ANO6: variants seen among roughly 807,000 people sequenced by gnomAD.
The protein encoded by ANO6 is anoctamin-6.
ANO6 carries 106 observed loss-of-function variants against 117.5 expected under a neutral mutation model. The ratio of observed to expected loss-of-function variants is 0.90; its 90% CI spans 0.77 to 1.06. The LOEUF is 1.06. Ranked by LOEUF, ANO6 falls within the 50% of genes least tolerant of loss-of-function variation. The probability of loss-of-function intolerance (pLI) is 0.00; values close to 1 mark genes in which losing one functional copy is unlikely to be tolerated. For missense variants in ANO6, 955 were observed against 1,121.1 expected (o/e 0.85, Z 2.12); for synonymous variants, 367 against 385.1 (o/e 0.95, Z 0.55).
At position 45,296,488 on chromosome 12, in the gene ANO6, G is replaced by A. The variant is rs551042730; in HGVS notation, c.71-5526G>A. ...GAGCTTTCCCATTAGTTCTAATTGC[G>A]AATGCTATATAAATTTCACTACATT... is the stretch of plus-strand genomic sequence containing the variant. On this transcript the variant is annotated intron_variant, in intron 1 of 19. Transcript: ENST00000320560. 3.9e-5 allele frequency among the ~76,000 whole-genome samples: 6 copies of A among 152,124 alleles called. No homozygotes were observed. The South Asian group carries it at 6.2e-4, about 16-fold the overall frequency.
intron 1 of ANO6, among the ~76,000 whole-genome samples, chr12:45,226,414 A>G (rs116503222): frequency 1.3e-3 from 112 of 86,310 alleles, no homozygotes; most frequent in Non-Finnish European, 2.3e-3. Context: ...TAAAGTACAA[A>G]TACTTGAAAT....
intron 19 of ANO6, among the ~76,000 whole-genome samples, chr12:45,423,653 A>C (rs1943422030): frequency 6.6e-6 from 1 of 152,218 alleles, no homozygotes; most frequent in South Asian, 2.1e-4. Flanking sequence ...GATAGAGTTC[A>C]TGAAAGTCTG....
intron 3 of ANO6, among the ~76,000 whole-genome samples, chr12:45,337,786 G>GT (rs1274200387): frequency 1.3e-5 from 2 of 151,114 alleles, no homozygotes; most frequent in Admixed American, 6.6e-5. Flanking sequence ...GATTTTAAGT[G>GT]TTTTTACCAC....
chr12:45,230,969 T>A (rs1372302057), intron 1 of ANO6, among the ~76,000 whole-genome samples: 1 of 151,636 alleles, frequency 6.6e-6, no homozygotes, highest in Non-Finnish European at 1.5e-5. Flanking sequence ...TAGCCAAGAG[T>A]GGTGGTGCAT....
In ANO6 at chr12:45,346,408, A is replaced by G. The variant is rs190495256; in HGVS notation, c.280-614A>G. Among the ~76,000 whole-genome samples the G allele has an allele frequency of 7.2e-5, 11 of 152,320 alleles. 1 individual carries two copies. The East Asian group carries it at 2.1e-3, about 29-fold the overall frequency. On this transcript the variant is annotated intron_variant, in intron 3 of 19. Transcript: ENST00000320560. Reference sequence around the variant, plus strand: ...ATATTCTGTATCTTTTGAAATGGCCATGTAATATAGATATCAATTTAGTTC... The same window carrying G: ...ATATTCTGTATCTTTTGAAATGGCCGTGTAATATAGATATCAATTTAGTTC...
chr12:45,228,365 T>C (rs1172162087), intron 1 of ANO6: 2 of 249,286 alleles, frequency 8.0e-6, no homozygotes, highest in Non-Finnish European at 1.6e-5. Context: ...TCCCAAACTC[T>C]TGGGCTCAAG....
chr12:45,386,990 C>T (rs1367771956), intron 10 of ANO6, among the ~76,000 whole-genome samples: 1 of 152,214 alleles, frequency 6.6e-6, no homozygotes, highest in African/African-American at 2.4e-5. Flanking sequence ...TCATAGCCCT[C>T]TTAATAATCA....
At chr12:45,292,080 A>G (rs1939119897) in intron 1 of ANO6, among the ~76,000 whole-genome samples, 1 of 152,210 alleles carries the variant, frequency 6.6e-6, no homozygotes, top group South Asian at 2.1e-4. Context: ...CCACAGATGA[A>G]TGGGGTAAAT....
intron 12 of ANO6, among the ~76,000 whole-genome samples, chr12:45,395,757 T>C (rs908755182): frequency 2.0e-5 from 3 of 152,200 alleles, no homozygotes; most frequent in East Asian, 1.9e-4. Flanking sequence ...ATTATATCAA[T>C]AGATGCAGAA....
At chr12:45,333,877 A>G (rs951611832) in intron 3 of ANO6, among the ~76,000 whole-genome samples, 3 of 152,048 alleles carry the variant, frequency 2.0e-5, no homozygotes, top group Admixed American at 6.6e-5. Context: ...GAAAGAAAAA[A>G]AACTTATGTG....
chr12:45,402,104 C>A (rs905765905), intron 13 of ANO6, 84 bp downstream of exon 13: 8 of 1,185,376 alleles, frequency 6.7e-6, no homozygotes, highest in Non-Finnish European at 9.8e-6. Flanking sequence ...TTAGGCGTTT[C>A]AATTCCAGTA....
At chr12:45,331,217 A>G (rs1237516394) in intron 2 of ANO6, 78 bp from the exon 3 acceptor site, 2 of 1,315,194 alleles carry the variant, frequency 1.5e-6, no homozygotes, top group African/African-American at 3.0e-5. Context: ...AACCTATTAA[A>G]GCTTGAAAAT....
intron 2 of ANO6, among the ~76,000 whole-genome samples, chr12:45,304,256 T>C: frequency 6.6e-6 from 1 of 152,156 alleles, no homozygotes; most frequent in East Asian, 1.9e-4. Context: ...GAATCAAGCA[T>C]TATATTTAAG....
intron 15 of ANO6, among the ~76,000 whole-genome samples, chr12:45,404,654 C>T (rs1269467770): frequency 6.6e-6 from 1 of 151,516 alleles, no homozygotes; most frequent in Non-Finnish European, 1.5e-5. Context: ...CTGTAGTCAC[C>T]TCTCCCGCCT....
At position 45,378,068 on chromosome 12, in the gene ANO6, G is replaced by C. The variant is rs867337896; in HGVS notation, c.1120G>C (p.Asp374His). ...CESSKKLCIF[D>H]SFGTLVFAVF... ...TATTTTCCAGAAATTGTGCATCTTCGACAGTTTTGGAACCCTGGTCTTTGC... is the reference window on the plus strand; with the variant it reads ...TATTTTCCAGAAATTGTGCATCTTCCACAGTTTTGGAACCCTGGTCTTTGC... Residue 374 changes from aspartate (D) to histidine (H), a missense_variant, in exon 10 of 20, where the codon GAC becomes CAC. By Grantham distance (81) the Asp-to-His change is moderately conservative. Transcript: ENST00000320560. The C allele has an allele frequency of 2.4e-5, 38 of 1,612,156 alleles. No individual in the cohort carries two copies. The Middle Eastern group carries it at 3.8e-3, about 161-fold the overall frequency.
chr12:45,362,383 T>C (rs1941578433), intron 8 of ANO6, among the ~76,000 whole-genome samples: 1 of 152,134 alleles, frequency 6.6e-6, no homozygotes, highest in Admixed American at 6.5e-5. Context: ...CTTCTTTTTT[T>C]CTTGATCAGC....
At chr12:45,305,111 G>A (rs1283896248) in intron 2 of ANO6, among the ~76,000 whole-genome samples, 1 of 152,186 alleles carries the variant, frequency 6.6e-6, no homozygotes, top group African/African-American at 2.4e-5. Context: ...GTGGTGAATA[G>A]AGATGTGAAC....
intron 9 of ANO6, among the ~76,000 whole-genome samples, chr12:45,376,272 A>G (rs1400452700): frequency 1.6e-5 from 2 of 128,416 alleles, no homozygotes; most frequent in African/African-American, 3.2e-5. Flanking sequence ...AACTAGTTCA[A>G]CCATTGTGGA....
At chr12:45,392,206 C>T (rs1461249460) in intron 12 of ANO6, among the ~76,000 whole-genome samples, 1 of 152,242 alleles carries the variant, frequency 6.6e-6, no homozygotes, top group Non-Finnish European at 1.5e-5. Context: ...CTCTACCATG[C>T]CTGGCTCAGT....
Sources: allele counts gnomAD v4.1 joint callset (sites outside exome capture counted in the v4.1 genomes callset), GRCh38; gene constraint gnomAD v4.1.1; transcripts MANE v1.5; gene names NCBI Gene and HGNC (gene_info 2026-07-23, HGNC 2026-07-21).